Variants in PODXL2 observed in about 807,000 individuals in gnomAD.
The protein encoded by PODXL2 is podocalyxin like 2.
A neutral mutation model predicts 53.4 loss-of-function variants in PODXL2; 17 were observed. The ratio of observed to expected loss-of-function variants is 0.32; its 90% CI spans 0.22 to 0.48. PODXL2 has a LOEUF of 0.48. Among genes scored for constraint, PODXL2 ranks in the 20% least tolerant of loss-of-function variants. The probability of loss-of-function intolerance (pLI) is 0.99; values close to 1 mark genes in which losing one functional copy is unlikely to be tolerated. For missense variants in PODXL2, 673 were observed against 760.0 expected, an observed-to-expected ratio of 0.89 and a Z score of 1.35; for synonymous variants, 311 against 306.7, an observed-to-expected ratio of 1.01 and a Z score of -0.15.
intron 2 of PODXL2, among the ~76,000 whole-genome samples, chr3:127,659,570 G>A (rs1576433113): frequency 6.6e-6 from 1 of 152,144 alleles, no homozygotes; most frequent in East Asian, 1.9e-4. Flanking sequence ...CTGATATTTT[G>A]AATGAATTTC....
At chr3:127,630,351 C>G (rs961242468) in intron 1 of PODXL2, among the ~76,000 whole-genome samples, 8 of 152,324 alleles carry the variant, frequency 5.3e-5, no homozygotes, top group African/African-American at 1.9e-4. Flanking sequence ...TGTGCACACT[C>G]ATCAGCCAGC....
At chr3:127,633,237 A>G (rs2074557558) in intron 1 of PODXL2, among the ~76,000 whole-genome samples, 1 of 152,212 alleles carries the variant, frequency 6.6e-6, no homozygotes. Flanking sequence ...CTTAAAGCAC[A>G]TGAAATATTT....
intron 4 of PODXL2, among the ~76,000 whole-genome samples, chr3:127,668,062 T>C (rs1432076473): frequency 1.3e-5 from 2 of 152,232 alleles, no homozygotes; most frequent in East Asian, 3.9e-4. Context: ...CTTACCACTC[T>C]GTGTACCCAG....
chr3:127,650,875 G>A (rs1242854704), intron 2 of PODXL2, among the ~76,000 whole-genome samples: 1 of 151,994 alleles, frequency 6.6e-6, no homozygotes, highest in Non-Finnish European at 1.5e-5. Context: ...TAGCCAGGAT[G>A]GTCTCCATCT....
Position 127,662,164 on chromosome 3 carries a change from G to T in PODXL2, c.1132-73G>T. ...CCTTCCAGCTTCCCAAAAGGCCTCC[G>T]ACCGGGGCTCTCTCCCCTGTCCCTT... On this transcript the variant is annotated intron_variant, in intron 3 of 7. Coordinates refer to ENST00000342480, the MANE Select transcript of PODXL2 (RefSeq NM_015720.4). 3 of 1,356,964 alleles carry T rather than the reference G, an allele frequency of 2.2e-6. No individual in the cohort carries two copies. The South Asian group carries it at 3.5e-5, about 16-fold the overall frequency. The allele number at this position is 1,356,964 out of a possible 1,614,324, so 84.1% of individuals were successfully genotyped here. A position where few individuals can be genotyped will look rare whatever the true frequency, so the allele number is the denominator to read the frequency against.
intron 2 of PODXL2, among the ~76,000 whole-genome samples, chr3:127,657,211 T>C (rs144256680): frequency 6.6e-6 from 1 of 152,326 alleles, no homozygotes; most frequent in East Asian, 1.9e-4. Flanking sequence ...TCTGGAGATG[T>C]TGATGCTCTC....
intron 2 of PODXL2, among the ~76,000 whole-genome samples, chr3:127,647,499 T>C (rs746001032): frequency 6.6e-6 from 1 of 152,160 alleles, no homozygotes; most frequent in Non-Finnish European, 1.5e-5. Context: ...TCTTTGGGGT[T>C]GGCAAGTCCT....
At chr3:127,658,961 T>C (rs2074743998) in intron 2 of PODXL2, among the ~76,000 whole-genome samples, 1 of 152,178 alleles carries the variant, frequency 6.6e-6, no homozygotes, top group Non-Finnish European at 1.5e-5. Context: ...GTCTTCTCAC[T>C]TTTGCCCTAG....
rs34117815 is a variant in PODXL2 at position 127,669,144 on chromosome 3, T to C, written c.1367T>C (p.Val456Ala). 2.3e-3 allele frequency: 3,725 copies of C among 1,603,514 alleles called. 88 individuals carry two copies. In the African/African-American group the frequency reaches 0.045, roughly 19 times the overall value. Residue 456 changes from valine to alanine, a missense_variant, in exon 6 of 8, where the codon GTG becomes GCG. Physicochemically the swap from Val to Ala is moderately conservative, Grantham distance 64 (BLOSUM62 0). Around this residue, in one of 3 missense-constraint regions of PODXL2, gnomAD observed 588 missense variants for 668.3 expected, o/e 0.88. Transcript: ENST00000342480. ...LLMTLVGEQG[V>A]VPTQDVLSML... is the part of the protein sequence containing the mutation. ...AGTGGTGTTTCTTACCCCCCAGGGGTGGTGCCCACTCAAGATGTCCTTTCC... is the reference window on the plus strand; with the variant it reads ...AGTGGTGTTTCTTACCCCCCAGGGGCGGTGCCCACTCAAGATGTCCTTTCC...
intron 1 of PODXL2, among the ~76,000 whole-genome samples, chr3:127,638,429 C>A (rs1308915227): frequency 6.6e-6 from 1 of 152,122 alleles, no homozygotes; most frequent in Non-Finnish European, 1.5e-5. Flanking sequence ...AGACTACGTT[C>A]AGAGGCTGGG....
chr3:127,651,930 T>C (rs1172655330), intron 2 of PODXL2, among the ~76,000 whole-genome samples: 1 of 152,224 alleles, frequency 6.6e-6, no homozygotes, highest in Non-Finnish European at 1.5e-5. Flanking sequence ...AAGCTTGGCC[T>C]GGGGCTCTTA....
intron 4 of PODXL2, among the ~76,000 whole-genome samples, chr3:127,666,322 A>T (rs1261749981): frequency 6.6e-6 from 1 of 150,576 alleles, no homozygotes; most frequent in Non-Finnish European, 1.5e-5. Flanking sequence ...ACCATTGCCC[A>T]TGTTTTTAAA....
intron 1 of PODXL2, among the ~76,000 whole-genome samples, chr3:127,635,108 A>G (rs2074569006): frequency 6.6e-6 from 1 of 152,202 alleles, no homozygotes; most frequent in Non-Finnish European, 1.5e-5. Flanking sequence ...CCCTAGAGAA[A>G]GGGAAACTGA....
chr3:127,666,566 C>G (rs964221547), intron 4 of PODXL2, among the ~76,000 whole-genome samples: 4 of 152,148 alleles, frequency 2.6e-5, no homozygotes, highest in African/African-American at 9.7e-5. Context: ...CACCACCATA[C>G]TTGGTTAATT....
Position 127,672,291 on chromosome 3 carries a change from C to T in PODXL2, c.1629C>T (p.Phe543=), listed in dbSNP as rs758464475. 6.5e-7 allele frequency: 1 copy of T among 1,546,474 alleles called. No individual in the cohort carries two copies. Among genetic ancestry groups the T allele is most frequent in the Non-Finnish European group, 8.7e-7 (1 of 1,147,304 alleles). Residue 543 remains phenylalanine, a synonymous_variant, in exon 8 of 8, where the codon TTC becomes TTT. Transcript: ENST00000342480. The part of the protein sequence containing the change: ...KHVSHGEELR[F]VENGCHDNPT... ...AGTCGCACGGCGAGGAGCTGCGCTT[C>T]GTGGAGAACGGCTGCCACGACAACC...
At position 127,671,556 on chromosome 3, in the gene PODXL2, T is replaced by C; in HGVS notation, c.1548T>C (p.Ile516=). ...TTGGGGCCATCTGCATCATCATCAT[T>C]GCGCTTGGCCTGCTCTACAACTGCT... The part of the protein sequence containing the change: ...VVIGAICIII[I]ALGLLYNCWQ... Residue 516 remains isoleucine, a synonymous_variant, in exon 7 of 8, where the codon ATT becomes ATC. Transcript: ENST00000342480. The C allele has an allele frequency of 1.1e-5, 17 of 1,614,120 alleles. No individual in the cohort carries two copies. Among genetic ancestry groups the C allele is most frequent in the Non-Finnish European group, 1.4e-5 (17 of 1,180,002 alleles).
chr3:127,659,907 C>T (rs1314365227), intron 2 of PODXL2, among the ~76,000 whole-genome samples: 2 of 152,200 alleles, frequency 1.3e-5, no homozygotes, highest in East Asian at 3.8e-4. Context: ...GGTCTCACTT[C>T]CTCCAGTGAT....
At chr3:127,667,351 C>T (rs1214346628) in intron 4 of PODXL2, among the ~76,000 whole-genome samples, 2 of 152,222 alleles carry the variant, frequency 1.3e-5, no homozygotes, top group South Asian at 2.1e-4. Context: ...GCTCGTGCCT[C>T]CCAGTGGCGC....
chr3:127,655,149 G>A (rs2074713956), intron 2 of PODXL2, among the ~76,000 whole-genome samples: 1 of 151,908 alleles, frequency 6.6e-6, no homozygotes, highest in South Asian at 2.1e-4. Flanking sequence ...CACCATGTTG[G>A]CCAGGCTGGT....
Sources: gnomAD v4.1 joint callset for allele counts (sites outside exome capture counted in the v4.1 genomes callset) on GRCh38, gnomAD v4.1.1 for gene constraint, gnomAD v4.1.1 regional missense constraint, MANE v1.5 for transcripts, NCBI Gene and HGNC (gene_info 2026-07-23, HGNC 2026-07-21) for gene names.